TCF20: variants seen among roughly 807,000 people sequenced by gnomAD.
The protein encoded by TCF20 is transcription factor 20, also known as SPRE-binding protein.
In TCF20, 3 loss-of-function variants were observed where a neutral mutation model predicts 148.6. The ratio of observed to expected loss-of-function variants is 0.02; its 90% CI spans 0.01 to 0.05. The LOEUF (loss-of-function observed/expected upper bound fraction) is 0.05. Ranked by LOEUF, TCF20 falls within the 10% of genes least tolerant of loss-of-function variation. The pLI, the probability that TCF20 is intolerant of heterozygous loss-of-function variation, is 1.00. For synonymous variants in TCF20, 1,049 were observed against 909.5 expected (o/e 1.15, Z -2.76); for missense variants, 2,350 against 2,429.3 (o/e 0.97, Z 0.69).
chr22:42,167,391 CTG>C (rs1935852675), intron 5 of TCF20, among the ~76,000 whole-genome samples: 1 of 152,216 alleles, frequency 6.6e-6, no homozygotes, highest in African/African-American at 2.4e-5. Context: ...TCTAGCGTAG[CTG>C]TGTGAGTCAA....
chr22:42,211,477 T>C lies in TCF20; in HGVS notation c.3829A>G (p.Ser1277Gly), dbSNP rs1033135958. The C allele has an allele frequency of 1.2e-6, 2 of 1,614,090 alleles. No homozygotes were observed. Among genetic ancestry groups the C allele is most frequent in the African/African-American group, 1.3e-5 (1 of 74,948 alleles). The change falls in exon 2 of 6, where the codon AGC (serine) becomes GGC (glycine). Residue 1277 changes from serine to glycine, a missense_variant. Coordinates refer to ENST00000677622, the MANE Select transcript of TCF20 (RefSeq NM_001378418.1). ...KRQSQDVKNS[S>G]TEDKGRLLHS... Reference sequence around the variant, plus strand: ...AGGAGGCGACCTTTATCTTCAGTGCTACTGTTCTTTACATCTTGTGACTGT... The same window carrying C: ...AGGAGGCGACCTTTATCTTCAGTGCCACTGTTCTTTACATCTTGTGACTGT...
At chr22:42,287,891 A>G (rs1927060505), upstream of TCF20, among the ~76,000 whole-genome samples, 1 of 152,216 alleles carries the variant, frequency 6.6e-6, no homozygotes, top group Non-Finnish European at 1.5e-5. Flanking sequence ...AAAAGAAAAA[A>G]AAGTCCTGCA....
At chr22:42,180,403 G>A (rs1231294688) in intron 2 of TCF20, among the ~76,000 whole-genome samples, 1 of 152,136 alleles carries the variant, frequency 6.6e-6, no homozygotes, top group Non-Finnish European at 1.5e-5. Context: ...TTTTCTTAAA[G>A]TGGGGCACAT....
At chr22:42,306,396 G>A (rs1927434387) in intron 1 of TCF20, among the ~76,000 whole-genome samples, 1 of 152,236 alleles carries the variant, frequency 6.6e-6, no homozygotes, top group Middle Eastern at 3.2e-3. Context: ...AGCAATGTGG[G>A]TGGGGGGTGC....
At chr22:42,240,518 T>C (rs549041614) in intron 1 of TCF20, among the ~76,000 whole-genome samples, 14 of 152,188 alleles carry the variant, frequency 9.2e-5, no homozygotes, top group East Asian at 1.9e-4. Flanking sequence ...ACAATATATA[T>C]ACATCTTTCC....
intron 1 of TCF20, among the ~76,000 whole-genome samples, chr22:42,229,538 G>A (rs1923207777): frequency 6.6e-6 from 1 of 152,116 alleles, no homozygotes; most frequent in African/African-American, 2.4e-5. Context: ...AGAGAGTAAC[G>A]CAGGTACAGT....
At chr22:42,308,289 G>A (rs912028784) in intron 1 of TCF20, among the ~76,000 whole-genome samples, 12 of 152,082 alleles carry the variant, frequency 7.9e-5, no homozygotes, top group South Asian at 6.2e-4. Flanking sequence ...GAGAGAGCTC[G>A]AGGAGGAAAA....
At position 42,213,550 on chromosome 22, in the gene TCF20, C is replaced by A; in HGVS notation, c.1756G>T (p.Ala586Ser). ...TCGGATGACAATGGCATGTCCTTAGCGCCTGGTGAGGTGGCCTCTTCTCTT... is the reference window on the plus strand; with the variant it reads ...TCGGATGACAATGGCATGTCCTTAGAGCCTGGTGAGGTGGCCTCTTCTCTT... ...AAREEATSPG[A>S]KDMPLSSDGN... Residue 586 changes from alanine to serine, a missense_variant, in exon 2 of 6, where the codon GCT becomes TCT. Physicochemically the swap from Ala to Ser is moderately conservative, Grantham distance 99. Coordinates refer to ENST00000677622, the MANE Select transcript of TCF20 (RefSeq NM_001378418.1). 1.2e-6 allele frequency: 2 copies of A among 1,614,186 alleles called. No homozygotes were observed. Among genetic ancestry groups the A allele is most frequent in the Non-Finnish European group, 8.5e-7 (1 of 1,180,030 alleles).
chr22:42,181,245 G>A (rs1197864652), intron 2 of TCF20, among the ~76,000 whole-genome samples: 3 of 152,040 alleles, frequency 2.0e-5, no homozygotes, highest in South Asian at 2.1e-4. Context: ...GTGCAGTAGC[G>A]CAATCTTGGC....
At chr22:42,231,846 G>A (rs891088638) in intron 1 of TCF20, among the ~76,000 whole-genome samples, 16 of 149,150 alleles carry the variant, frequency 1.1e-4, no homozygotes, top group South Asian at 4.2e-4. Flanking sequence ...GAAGAATGAC[G>A]TGAACCCGGG....
Position 42,209,991 on chromosome 22 carries a change from T to C in TCF20, c.5315A>G (p.Gln1772Arg). 6.2e-7 allele frequency: 1 copy of C among 1,613,284 alleles called. No homozygotes were observed. Among genetic ancestry groups the C allele is most frequent in the African/African-American group, 1.3e-5 (1 of 75,062 alleles). ...TDTEEEEEQQ[Q>R]QQKEQRSLAA... is the part of the protein sequence containing the mutation. ...CAGGCTTCTCTGCTCCTTCTGCTGCTGCTGCTGCTCTTCCTCCTCCTCAGT... is the reference window on the plus strand; with the variant it reads ...CAGGCTTCTCTGCTCCTTCTGCTGCCGCTGCTGCTCTTCCTCCTCCTCAGT... The change falls in exon 2 of 6, where the codon CAG becomes CGG. Residue 1772 changes from glutamine (Q) to arginine (R), a missense_variant. Physicochemically the swap from Gln to Arg is conservative, Grantham distance 43 (BLOSUM62 1). Transcript: ENST00000677622.
Position 42,332,429 on chromosome 22 carries a change from AG to A in TCF20, c.-37+11049del, listed in dbSNP as rs1927993124. Among the ~76,000 whole-genome samples, 6 of 152,312 alleles carry A rather than the reference AG, an allele frequency of 3.9e-5. No homozygotes were observed. The South Asian group carries it at 1.2e-3, about 32-fold the overall frequency. ...TCATTCCAAGGGTGATGGCAATGTA[AG>A]CAAGGGCAGCACTCTGGGTTCGACG... On this transcript the variant is annotated intron_variant, in intron 1 of 1. Transcript: ENST00000515426.
intron 2 of TCF20, among the ~76,000 whole-genome samples, chr22:42,202,543 TGAG>T (rs1168335899): frequency 5.9e-5 from 9 of 152,218 alleles, no homozygotes; most frequent in Admixed American, 2.6e-4. Context: ...ACACAGCTGT[TGAG>T]GAGAACGGCA....
rs904580066 is a variant in TCF20 at position 42,316,709 on chromosome 22, T to G, written c.-37+26770A>C. Among the ~76,000 whole-genome samples, 45 of 152,160 alleles carry G rather than the reference T, an allele frequency of 3.0e-4. 2 individuals carry two copies. The highest frequency in any genetic ancestry group is 8.8e-5 in the Non-Finnish European group (6 of 68,024). On this transcript the variant is annotated intron_variant, in intron 1 of 1. Transcript: ENST00000515426. ...CCTCGGCCTCCCAAAGTGCTAGGAT[T>G]ACACGCGTGAGCCACTGCGCCCTGC...
Position 42,210,229 on chromosome 22 carries a change from C to T in TCF20, c.5077G>A (p.Val1693Ile). 1 of 1,614,188 alleles carries T rather than the reference C, an allele frequency of 6.2e-7. No homozygotes were observed. Among genetic ancestry groups the T allele is most frequent in the Non-Finnish European group, 8.5e-7 (1 of 1,180,046 alleles). The change falls in exon 2 of 6, where the codon GTT (valine) becomes ATT (isoleucine). Residue 1693 changes from valine (V) to isoleucine (I), a missense_variant. Physicochemically the swap from Val to Ile is conservative, Grantham distance 29. Transcript: ENST00000677622. The surrounding 1 kb of genome is among the most constrained non-coding windows in gnomAD (Gnocchi z 4.7). ...PASSFMLQGP[V>I]VTESSVMGHL... Reference sequence around the variant, plus strand: ...CCCATAACCGAAGACTCTGTCACAACAGGTCCCTGCAGCATAAAGGACGAG... The same window carrying T: ...CCCATAACCGAAGACTCTGTCACAATAGGTCCCTGCAGCATAAAGGACGAG...
In TCF20 at chr22:42,297,577, G is replaced by T. The variant is rs1927258819; in HGVS notation, c.-37+45902C>A. Among the ~76,000 whole-genome samples the T allele has an allele frequency of 6.6e-6, 1 of 152,218 alleles. No individual in the cohort carries two copies. Among genetic ancestry groups the T allele is most frequent in the African/African-American group, 2.4e-5 (1 of 41,444 alleles). The stretch of plus-strand genomic sequence containing the variant: ...TGGGGAGGGGCAGTTCACAGGGTCA[G>T]CCATGAAAGCCCATGATCCCTGAGC... On this transcript the variant is annotated intron_variant, in intron 1 of 1. Transcript: ENST00000515426. The surrounding 1 kb of genome is among the most constrained non-coding windows in gnomAD (Gnocchi z 4.3).
intron 3 of TCF20, among the ~76,000 whole-genome samples, chr22:42,177,402 C>T (rs760034946): frequency 5.9e-5 from 9 of 152,048 alleles, no homozygotes; most frequent in Admixed American, 6.5e-5. Context: ...GCGATAAGAG[C>T]GAAACTTCGT....
chr22:42,255,416 G>A (rs760894988), intron 1 of TCF20, among the ~76,000 whole-genome samples: 7 of 151,964 alleles, frequency 4.6e-5, no homozygotes, highest in African/African-American at 7.3e-5. Flanking sequence ...TTGAACCCGG[G>A]AGGAGGAGAC....
chr22:42,293,773 G>C (rs554881933), intron 1 of TCF20, among the ~76,000 whole-genome samples: 1 of 152,230 alleles, frequency 6.6e-6, no homozygotes, highest in Non-Finnish European at 1.5e-5. Flanking sequence ...AGGCCAAGGC[G>C]GGCAGATCAC....
Sources: allele counts gnomAD v4.1 joint callset (sites outside exome capture counted in the v4.1 genomes callset), GRCh38; gene constraint gnomAD v4.1.1; non-coding constraint Gnocchi (gnomAD v3.1); transcripts MANE v1.5; gene names NCBI Gene and HGNC (gene_info 2026-07-23, HGNC 2026-07-21).